The following HERC3 variants were observed in gnomAD, a reference collection of about 807,000 sequenced individuals.
The protein encoded by HERC3 is HECT and RLD domain containing E3 ubiquitin protein ligase 3.
Under a neutral mutation model 129.9 loss-of-function variants are expected in HERC3, and 58 were observed. The observed-to-expected ratio is 0.45, with a 90% CI of 0.36 to 0.56. The LOEUF (loss-of-function observed/expected upper bound fraction) is 0.56, where lower values mean the gene tolerates loss of function less well. Ranked by LOEUF, HERC3 falls within the 20% of genes least tolerant of loss-of-function variation. The probability of loss-of-function intolerance (pLI) is 0.00; values close to 1 mark genes in which losing one functional copy is unlikely to be tolerated. For missense variants in HERC3, 835 were observed against 1,244.2 expected (o/e 0.67, Z 4.95); for synonymous variants, 430 against 451.0 (o/e 0.95, Z 0.59).
chr4:88,573,111 T>C, the HERC3 span, among the ~76,000 whole-genome samples: 1 of 152,250 alleles, frequency 6.6e-6, no homozygotes, highest in Non-Finnish European at 1.5e-5. Flanking sequence ...GGCATGTATA[T>C]GTTATAAAAA....
intron 21 of HERC3, among the ~76,000 whole-genome samples, chr4:88,684,548 A>G (rs1180247520): frequency 1.3e-5 from 2 of 152,220 alleles, no homozygotes; most frequent in Non-Finnish European, 2.9e-5. Context: ...AATACCATTC[A>G]GGACATAGGC....
chr4:88,658,410 G>T lies in HERC3; in HGVS notation c.1070-5G>T. 1.3e-6 allele frequency: 2 copies of T among 1,536,958 alleles called. No homozygotes were observed. The highest frequency in any genetic ancestry group is 1.8e-6 in the Non-Finnish European group (2 of 1,129,636). The stretch of plus-strand genomic sequence containing the variant: ...AATATGCTTTCGGAATTTTTTTTTT[G>T]ACAGATCGCTTTAAATATCATATCG... On this transcript the variant is annotated splice_polypyrimidine_tract_variant and splice_region_variant and intron_variant, in intron 9 of 25. Coordinates refer to ENST00000402738, the MANE Select transcript of HERC3 (RefSeq NM_014606.3).
At chr4:88,681,937 C>T (rs1262546365) in intron 21 of HERC3, among the ~76,000 whole-genome samples, 1 of 152,186 alleles carries the variant, frequency 6.6e-6, no homozygotes, top group Non-Finnish European at 1.5e-5. Flanking sequence ...TAATTTGCGC[C>T]CATCAGTCAA....
chr4:88,548,319 T>C, the HERC3 span, among the ~76,000 whole-genome samples: 1 of 152,222 alleles, frequency 6.6e-6, no homozygotes, highest in African/African-American at 2.4e-5. Context: ...ACCAGCAGTA[T>C]ATGGGGATTT....
At chr4:88,650,393 G>T (rs920672870) in intron 4 of HERC3, among the ~76,000 whole-genome samples, 1 of 152,142 alleles carries the variant, frequency 6.6e-6, no homozygotes, top group Non-Finnish European at 1.5e-5. Context: ...ACTCTGATAG[G>T]CCAAATCACT....
chr4:88,684,039 A>G (rs138860365), intron 21 of HERC3, among the ~76,000 whole-genome samples: 1 of 152,208 alleles, frequency 6.6e-6, no homozygotes, highest in Non-Finnish European at 1.5e-5. Context: ...AAAATGGCCT[A>G]CTTCCCAAAG....
chr4:88,558,872 G>A, the HERC3 span, among the ~76,000 whole-genome samples: 6 of 151,734 alleles, frequency 4.0e-5, no homozygotes, highest in African/African-American at 1.5e-4. Context: ...GGAGGCTGAG[G>A]CAGAAGAATG....
At chr4:88,702,836 A>G (rs1388044636) in intron 23 of HERC3, among the ~76,000 whole-genome samples, 6 of 152,226 alleles carry the variant, frequency 3.9e-5, no homozygotes, top group Non-Finnish European at 8.8e-5. Context: ...GTTTATGTCT[A>G]GGTTCACAGT....
At chr4:88,631,794 G>A (rs891114473) in intron 3 of HERC3, among the ~76,000 whole-genome samples, 1 of 152,178 alleles carries the variant, frequency 6.6e-6, no homozygotes, top group Non-Finnish European at 1.5e-5. Context: ...ACACAAAGCA[G>A]GGAGAAAAAA....
chr4:88,614,030 T>C (rs773284029), intron 3 of HERC3, among the ~76,000 whole-genome samples: 76 of 152,308 alleles, frequency 5.0e-4, no homozygotes, highest in Non-Finnish European at 9.4e-4. Flanking sequence ...TGTGTACTTA[T>C]TAATGAGCAT....
chr4:88,572,275 T>G, the HERC3 span, among the ~76,000 whole-genome samples: 4 of 151,932 alleles, frequency 2.6e-5, no homozygotes, highest in African/African-American at 9.7e-5. Flanking sequence ...GTGTATTCTT[T>G]TAATTAGCCA....
At chr4:88,592,214 TG>T (rs1721754025), upstream of HERC3, among the ~76,000 whole-genome samples, 1 of 152,228 alleles carries the variant, frequency 6.6e-6, no homozygotes, top group Non-Finnish European at 1.5e-5. Flanking sequence ...CAACGCTCTA[TG>T]TCTTGCAGTC....
chr4:88,584,359 A>G, the HERC3 span, among the ~76,000 whole-genome samples: 1 of 152,236 alleles, frequency 6.6e-6, no homozygotes, highest in Non-Finnish European at 1.5e-5. Context: ...CCTCAGAAAC[A>G]TCAGCACAGT....
At chr4:88,650,103 C>T in intron 4 of HERC3, 104 bp downstream of exon 4, 1 of 1,164,328 alleles carries the variant, frequency 8.6e-7, no homozygotes, top group Non-Finnish European at 1.2e-6. Flanking sequence ...TTGCTATTTC[C>T]TTTGCACCAC....
chr4:88,656,177 G>A, intron 9 of HERC3, 142 bp downstream of exon 9: 1 of 745,410 alleles, frequency 1.3e-6, no homozygotes, highest in Non-Finnish European at 2.2e-6. Flanking sequence ...AATAATTTCT[G>A]TACTTACTAT....
chr4:88,566,231 G>T, the HERC3 span, among the ~76,000 whole-genome samples: 1 of 151,958 alleles, frequency 6.6e-6, no homozygotes, highest in Non-Finnish European at 1.5e-5. Context: ...GCAGTATTTG[G>T]TTTTCTGTTT....
At chr4:88,650,816 G>A (rs1015413134) in intron 4 of HERC3, among the ~76,000 whole-genome samples, 1 of 152,208 alleles carries the variant, frequency 6.6e-6, no homozygotes, top group Non-Finnish European at 1.5e-5. Context: ...ATTGCTAGGA[G>A]TGCCTATCAC....
intron 7 of HERC3, among the ~76,000 whole-genome samples, chr4:88,654,490 A>G (rs1345932167): frequency 2.7e-5 from 4 of 146,638 alleles, no homozygotes; most frequent in Non-Finnish European, 6.0e-5. Context: ...ATATTTATAT[A>G]TATATAAATT....
chr4:88,686,763 C>T lies in HERC3; in HGVS notation c.2535C>T (p.Pro845=), dbSNP rs61738481. The T allele has an allele frequency of 1.9e-3, 3,137 of 1,611,562 alleles. 49 individuals are homozygous for T. The African/African-American group carries it at 0.034, about 17-fold the overall frequency. The part of the protein sequence containing the change: ...GRSLQELLDY[P]GEDVEETFCL... ...GTCTCCAAGAGCTTTTAGATTACCC[C>T]GGGGAGGATGTGGAGGAGACTTTCT... Residue 845 remains proline (P), a synonymous_variant, in exon 22 of 26, where the codon CCC becomes CCT. Coordinates refer to ENST00000402738, the MANE Select transcript of HERC3 (RefSeq NM_014606.3).
Sources: gnomAD v4.1 joint callset for allele counts (sites outside exome capture counted in the v4.1 genomes callset) on GRCh38, gnomAD v4.1.1 for gene constraint, MANE v1.5 for transcripts, NCBI Gene and HGNC (gene_info 2026-07-23, HGNC 2026-07-21) for gene names.